SUPT3H: variants seen among roughly 807,000 people sequenced by gnomAD.
The protein encoded by SUPT3H is SPT3 homolog, SAGA and STAGA complex component.
SUPT3H carries 44 observed loss-of-function variants against 44.3 expected under a neutral mutation model. The observed-to-expected ratio is 0.99, with a 90% CI of 0.78 to 1.28. The LOEUF is 1.28. Among genes scored for constraint, SUPT3H ranks in the 50% most tolerant of loss-of-function variants. SUPT3H has a pLI of 0.00. For missense variants in SUPT3H, 380 were observed against 387.1 expected (o/e 0.98, Z 0.15); for synonymous variants, 124 against 125.6 (o/e 0.99, Z 0.09).
At chr6:45,257,875 A>G (rs1164947387) in intron 2 of SUPT3H, among the ~76,000 whole-genome samples, 2 of 152,234 alleles carry the variant, frequency 1.3e-5, no homozygotes, top group African/African-American at 4.8e-5. Context: ...ACTTTGCCAC[A>G]AAATACCTCA....
rs59431242 is a variant in SUPT3H, at chr6:45,095,796, C to T, written c.186+10126G>A. Among the ~76,000 whole-genome samples the T allele has an allele frequency of 3.9e-3, 593 of 152,214 alleles. 7 individuals carry two copies. The highest frequency in any genetic ancestry group is 0.014 in the African/African-American group (565 of 41,564). ...TATTGACAACATCATAACAACAACT[C>T]AAACATAATTTGCAGTTGGCACAAA... is the stretch of plus-strand genomic sequence containing the variant. On this transcript the variant is annotated intron_variant, in intron 3 of 10. Coordinates refer to ENST00000371459, the MANE Select transcript of SUPT3H (RefSeq NM_003599.4). The surrounding 1 kb of genome is among the most constrained non-coding windows in gnomAD (Gnocchi z 4.1).
chr6:45,035,430 G>A lies in SUPT3H; in HGVS notation c.187-14798C>T, dbSNP rs16873088. Reference sequence around the variant, plus strand: ...TTCATTTGTATCCTCACTGTTTTATGTCCAAAAGGTTGTATGGAGAGGTAA... The same window carrying A: ...TTCATTTGTATCCTCACTGTTTTATATCCAAAAGGTTGTATGGAGAGGTAA... On this transcript the variant is annotated intron_variant, in intron 3 of 10. Coordinates refer to ENST00000371459, the MANE Select transcript of SUPT3H (RefSeq NM_003599.4). 5.5e-3 allele frequency among the ~76,000 whole-genome samples: 830 copies of A among 152,144 alleles called. 12 individuals are homozygous for A. Among genetic ancestry groups the A allele is most frequent in the African/African-American group, 0.019 (799 of 41,518 alleles).
At chr6:45,223,455 C>T (rs1766398080) in intron 2 of SUPT3H, among the ~76,000 whole-genome samples, 1 of 151,892 alleles carries the variant, frequency 6.6e-6, no homozygotes, top group Non-Finnish European at 1.5e-5. Flanking sequence ...TAAGGTGTGC[C>T]ATACTAAATT....
chr6:44,815,213 GA>G (rs994560805), intron 11 of SUPT3H, among the ~76,000 whole-genome samples: 5 of 151,994 alleles, frequency 3.3e-5, no homozygotes, highest in African/African-American at 1.2e-4. Context: ...TGCAATGAAT[GA>G]ATATTTTAAA....
chr6:45,282,920 G>C (rs966104173), intron 2 of SUPT3H, among the ~76,000 whole-genome samples: 5 of 152,152 alleles, frequency 3.3e-5, no homozygotes, highest in Non-Finnish European at 7.3e-5. Context: ...AAGAGAGTGG[G>C]GGCCAACATT....
intron 2 of SUPT3H, among the ~76,000 whole-genome samples, chr6:45,184,775 GAAAAAAAAAAAAAAAAA>G (rs55652227): frequency 9.3e-5 from 12 of 128,562 alleles, no homozygotes; most frequent in Middle Eastern, 4.1e-3. Context: ...ACAGGCAGAG[GAAAAAAAAAAAAAAAAA>G]AAAAAAAAAA....
intron 2 of SUPT3H, among the ~76,000 whole-genome samples, chr6:45,322,631 C>A (rs1019902885): frequency 3.3e-5 from 5 of 152,020 alleles, no homozygotes; most frequent in African/African-American, 1.2e-4. Context: ...AAGTTATACA[C>A]AAGGCCTAAC....
chr6:44,870,381 G>A (rs1222425230), intron 10 of SUPT3H, among the ~76,000 whole-genome samples: 1 of 152,100 alleles, frequency 6.6e-6, no homozygotes, highest in Non-Finnish European at 1.5e-5. Context: ...AGGATCTCTT[G>A]AGGCCAGGAG....
intron 3 of SUPT3H, among the ~76,000 whole-genome samples, chr6:45,045,756 T>C (rs148331510): frequency 4.3e-4 from 66 of 152,316 alleles, no homozygotes; most frequent in Admixed American, 9.2e-4. Flanking sequence ...CTGTTTATCA[T>C]TGGATTCTTT....
intron 3 of SUPT3H, among the ~76,000 whole-genome samples, chr6:45,074,249 A>G (rs113439694): frequency 4.3e-4 from 66 of 151,976 alleles, no homozygotes; most frequent in African/African-American, 1.4e-3. Flanking sequence ...AAAAACTATA[A>G]CCATAAAGAT....
In SUPT3H at chr6:44,876,700, A is replaced by G. The variant is rs181106839; in HGVS notation, c.913-46843T>C. Among the ~76,000 whole-genome samples the G allele has an allele frequency of 2.5e-3, 385 of 152,010 alleles. 3 individuals carry two copies. The highest frequency in any genetic ancestry group is 8.5e-3 in the African/African-American group (351 of 41,498). ...AAATTAAACAACATACTCTTAAATA[A>G]CCAATGGATCAAAGGAGAAACATCA... On this transcript the variant is annotated intron_variant, in intron 10 of 10. Coordinates refer to ENST00000371459, the MANE Select transcript of SUPT3H (RefSeq NM_003599.4).
intron 2 of SUPT3H, among the ~76,000 whole-genome samples, chr6:45,342,776 C>CA (rs1790073476): frequency 1.3e-5 from 2 of 151,798 alleles, no homozygotes; most frequent in Non-Finnish European, 2.9e-5. Context: ...TGAACCCATA[C>CA]AAAAAAATAC....
intron 3 of SUPT3H, among the ~76,000 whole-genome samples, chr6:45,034,598 T>C (rs758260655): frequency 5.9e-5 from 9 of 152,144 alleles, no homozygotes; most frequent in Non-Finnish European, 4.4e-5. Context: ...ATAAACACTA[T>C]GGTCCAATGA....
chr6:44,935,755 T>C (rs1771299616), intron 9 of SUPT3H, among the ~76,000 whole-genome samples: 1 of 152,212 alleles, frequency 6.6e-6, no homozygotes, highest in Non-Finnish European at 1.5e-5. Context: ...GGCTGTTGTC[T>C]CTCTGCTTTT....
intron 3 of SUPT3H, among the ~76,000 whole-genome samples, chr6:45,025,661 A>C (rs1583132843): frequency 2.0e-5 from 3 of 152,258 alleles, no homozygotes; most frequent in Admixed American, 2.0e-4. Flanking sequence ...AGACAGGCGG[A>C]TCATGAGGTC....
intron 2 of SUPT3H, among the ~76,000 whole-genome samples, chr6:45,166,166 G>A (rs1174352605): frequency 2.0e-5 from 3 of 152,122 alleles, no homozygotes; most frequent in Non-Finnish European, 4.4e-5. Context: ...GGTGGCACAC[G>A]CTTGTGGTCC....
chr6:44,950,197 T>G (rs577150993), intron 9 of SUPT3H, among the ~76,000 whole-genome samples: 2 of 152,328 alleles, frequency 1.3e-5, no homozygotes, highest in East Asian at 3.9e-4. Context: ...CAAGAAATGT[T>G]TTTCAGTTTC....
rs536407151 is a variant in SUPT3H at position 44,892,778 on chromosome 6, T to C, written c.912+39875A>G. On this transcript the variant is annotated intron_variant, in intron 10 of 10. Coordinates refer to ENST00000371459, the MANE Select transcript of SUPT3H (RefSeq NM_003599.4). ...ACAGATTAGTGGTAGAGCCCAGGAC[T>C]GAAGCCCAGGCCTCTTGACTTCTGC... Among the ~76,000 whole-genome samples the C allele has an allele frequency of 2.8e-3, 419 of 152,294 alleles. 1 individual carries two copies. Among genetic ancestry groups the C allele is most frequent in the Admixed American group, 4.6e-3 (70 of 15,288 alleles).
intron 11 of SUPT3H, among the ~76,000 whole-genome samples, chr6:44,813,899 C>T (rs1345669048): frequency 6.6e-6 from 1 of 151,742 alleles, no homozygotes; most frequent in African/African-American, 2.4e-5. Flanking sequence ...TAATTGAAAT[C>T]CTAGAAGACA....
Sources: allele counts gnomAD v4.1 joint callset (sites outside exome capture counted in the v4.1 genomes callset), GRCh38; gene constraint gnomAD v4.1.1; non-coding constraint Gnocchi (gnomAD v3.1); transcripts MANE v1.5; gene names NCBI Gene and HGNC (gene_info 2026-07-23, HGNC 2026-07-21).